The following FOCAD variants were observed in gnomAD, a reference collection of about 807,000 sequenced individuals.
FOCAD encodes focadhesin, also known as KIAA1797.
Under a neutral mutation model 225.6 loss-of-function variants are expected in FOCAD, and 198 were observed. That is an observed-to-expected ratio of 0.88 (90% CI 0.78 to 0.99). The LOEUF (loss-of-function observed/expected upper bound fraction) is 0.99, where lower values mean the gene tolerates loss of function less well. Ranked by LOEUF, FOCAD falls within the 50% of genes least tolerant of loss-of-function variation. The pLI, the probability that FOCAD is intolerant of heterozygous loss-of-function variation, is 0.00. For missense variants in FOCAD, 2,713 were observed against 2,123.6 expected (o/e 1.28, Z -5.46); for synonymous variants, 897 against 755.0 (o/e 1.19, Z -3.08).
intron 15 of FOCAD, among the ~76,000 whole-genome samples, chr9:20,850,379 G>A (rs1827530783): frequency 6.6e-6 from 1 of 151,690 alleles, no homozygotes; most frequent in African/African-American, 2.4e-5. Context: ...ACACTGTCGA[G>A]GAAGAAAATC....
At chr9:20,708,431 A>T (rs986256412) in intron 1 of FOCAD, among the ~76,000 whole-genome samples, 5 of 152,136 alleles carry the variant, frequency 3.3e-5, no homozygotes, top group Non-Finnish European at 7.4e-5. Context: ...CAGCCATTTT[A>T]TCAGTGTGCT....
At chr9:20,847,609 A>T (rs1377339988) in intron 15 of FOCAD, among the ~76,000 whole-genome samples, 1 of 151,868 alleles carries the variant, frequency 6.6e-6, no homozygotes, top group Admixed American at 6.6e-5. Context: ...TTGGGGAAGG[A>T]GGGGCGATAA....
chr9:20,702,656 T>C (rs1277642405), intron 1 of FOCAD, among the ~76,000 whole-genome samples: 1 of 152,190 alleles, frequency 6.6e-6, no homozygotes, highest in Non-Finnish European at 1.5e-5. Flanking sequence ...TGACAGTACC[T>C]GCCTGGCACA....
chr9:20,856,802 T>G lies in FOCAD; in HGVS notation c.1921-5776T>G, dbSNP rs569591431. On this transcript the variant is annotated intron_variant, in intron 15 of 43. Coordinates refer to ENST00000338382, the MANE Select transcript of FOCAD (RefSeq NM_001375567.1). ...AGATAGGGGTCAAGTTTCATTCTTC[T>G]GCATATGGTTATCCAGTTTTCCCAG... Among the ~76,000 whole-genome samples, 3 of 152,246 alleles carry G rather than the reference T, an allele frequency of 2.0e-5. No individual in the cohort carries two copies. In the East Asian group the frequency reaches 5.8e-4, roughly 29 times the overall value.
chr9:20,824,109 C>A (rs1824627695), intron 15 of FOCAD, among the ~76,000 whole-genome samples: 1 of 151,996 alleles, frequency 6.6e-6, no homozygotes, highest in South Asian at 2.1e-4. Flanking sequence ...CATCCTGTGC[C>A]CAATATTTGG....
chr9:20,926,639 C>A (rs555335929), intron 26 of FOCAD, among the ~76,000 whole-genome samples: 1 of 151,904 alleles, frequency 6.6e-6, no homozygotes, highest in South Asian at 2.1e-4. Flanking sequence ...CAAAATTAGC[C>A]GGGCGTGGTG....
At position 20,926,436 on chromosome 9, in the gene FOCAD, A is replaced by G. The variant is rs1262146073; in HGVS notation, c.3078+19A>G. ...TTATTATGTAAGTGCAAAAAATAAA[A>G]AATGATCAGAAAACTCAAGAATTGA... On this transcript the variant is annotated intron_variant, in intron 26 of 43. Coordinates refer to ENST00000338382, the MANE Select transcript of FOCAD (RefSeq NM_001375567.1). The G allele has an allele frequency of 3.5e-6, 5 of 1,435,492 alleles. No homozygotes were observed. Among genetic ancestry groups the G allele is most frequent in the Admixed American group, 1.7e-5 (1 of 59,216 alleles). The allele number at this position is 1,435,492 out of a possible 1,614,324, so 88.9% of individuals were successfully genotyped here.
chr9:20,944,136 C>G (rs1168344240), intron 28 of FOCAD, among the ~76,000 whole-genome samples: 2 of 152,166 alleles, frequency 1.3e-5, no homozygotes, highest in Admixed American at 1.3e-4. Context: ...ACATGAAACA[C>G]TTAGTAGTAC....
chr9:20,746,180 C>T lies in FOCAD; in HGVS notation c.392+5840C>T, dbSNP rs543539972. Among the ~76,000 whole-genome samples, 5 of 152,302 alleles carry T rather than the reference C, an allele frequency of 3.3e-5. No homozygotes were observed. In the South Asian group the frequency reaches 1.0e-3, roughly 32 times the overall value. ...GTAGCCCCATTTTTAATTTCAATAACTAGCTTTTTAAGCATTGTTTTTGCA... is the reference window on the plus strand; with the variant it reads ...GTAGCCCCATTTTTAATTTCAATAATTAGCTTTTTAAGCATTGTTTTTGCA... On this transcript the variant is annotated intron_variant, in intron 5 of 43. Coordinates refer to ENST00000338382, the MANE Select transcript of FOCAD (RefSeq NM_001375567.1).
chr9:20,858,585 C>G (rs1381253034), intron 15 of FOCAD, among the ~76,000 whole-genome samples: 1 of 151,880 alleles, frequency 6.6e-6, no homozygotes, highest in African/African-American at 2.4e-5. Context: ...TGTTGCTTTT[C>G]AGTGTTCGTT....
At chr9:20,933,152 T>G (rs779951547) in intron 28 of FOCAD, 49 bp downstream of exon 28, 2 of 1,259,338 alleles carry the variant, frequency 1.6e-6, no homozygotes, top group African/African-American at 2.9e-5. Context: ...CATTGCTCCC[T>G]ACACTGCCAT....
chr9:20,798,468 A>G (rs1410809370), intron 11 of FOCAD, among the ~76,000 whole-genome samples: 2 of 152,096 alleles, frequency 1.3e-5, no homozygotes, highest in African/African-American at 2.4e-5. Context: ...CTGTGAATGC[A>G]TCTGGTCCTG....
chr9:20,902,541 AC>A (rs2131988132), intron 21 of FOCAD, among the ~76,000 whole-genome samples: 1 of 152,044 alleles, frequency 6.6e-6, no homozygotes, highest in South Asian at 2.1e-4. Flanking sequence ...TCTTTAATGA[AC>A]CATCAAAGGT....
rs557870923 is a variant in FOCAD at position 20,933,247 on chromosome 9, A to C, written c.3407+144A>C. On this transcript the variant is annotated intron_variant, in intron 28 of 43. Transcript: ENST00000338382. ...TGGGGAACAGGTGGTGTTTGGTTAC[A>C]TGAGTAAGTTCTTTAGTGGTGATTT... is the stretch of plus-strand genomic sequence containing the variant. The C allele has an allele frequency of 1.3e-5, 8 of 600,744 alleles. No individual in the cohort carries two copies. The African/African-American group carries it at 1.5e-4, about 11-fold the overall frequency. The allele number at this position is 600,744 out of a possible 1,614,324, so 37.2% of individuals were successfully genotyped here.
Position 20,867,749 on chromosome 9 carries a change from A to G in FOCAD, c.2190+737A>G, listed in dbSNP as rs569806044. On this transcript the variant is annotated intron_variant, in intron 18 of 43. Coordinates refer to ENST00000338382, the MANE Select transcript of FOCAD (RefSeq NM_001375567.1). ...AGTGCCTCTGAAGTGTCAAGCAGACATTGTGTTAGATGAAGTTACGTGTAA... is the reference window on the plus strand; with the variant it reads ...AGTGCCTCTGAAGTGTCAAGCAGACGTTGTGTTAGATGAAGTTACGTGTAA... Among the ~76,000 whole-genome samples, 578 of 152,176 alleles carry G rather than the reference A, an allele frequency of 3.8e-3. 4 individuals are homozygous for G. Among genetic ancestry groups the G allele is most frequent in the African/African-American group, 0.013 (552 of 41,546 alleles).
intron 4 of FOCAD, among the ~76,000 whole-genome samples, chr9:20,731,865 C>T (rs1270296965): frequency 6.6e-6 from 1 of 152,172 alleles, no homozygotes; most frequent in East Asian, 1.9e-4. Flanking sequence ...GATCTTCCCG[C>T]CTCAGCCTCC....
At position 20,995,918 on chromosome 9, in the gene FOCAD, C is replaced by G. The variant is rs755424465; in HGVS notation, c.*289C>G. 3 of 206,278 alleles carry G rather than the reference C, an allele frequency of 1.5e-5. No individual in the cohort carries two copies. Among genetic ancestry groups the G allele is most frequent in the South Asian group, 1.3e-4 (1 of 7,688 alleles). 12.8% of individuals were successfully genotyped at this position (206,278 alleles called of 1,614,324 possible). ...TGAAAGCTTGAAGATATTATCTTCT[C>G]CCTGCTAAATTCCAGTAAAATAATG... On this transcript the variant is annotated 3_prime_UTR_variant, in exon 44 of 44. Transcript: ENST00000338382.
At chr9:20,919,564 C>A (rs1434738556) in intron 24 of FOCAD, among the ~76,000 whole-genome samples, 2 of 152,156 alleles carry the variant, frequency 1.3e-5, no homozygotes, top group Non-Finnish European at 2.9e-5. Flanking sequence ...TCAAACTATA[C>A]TACAAGGCTA....
intron 6 of FOCAD, among the ~76,000 whole-genome samples, chr9:20,761,422 T>TA (rs1587060024): frequency 6.6e-6 from 1 of 151,990 alleles, no homozygotes; most frequent in African/African-American, 2.4e-5. Context: ...CCGTTATTTT[T>TA]ATTTTTATTT....
Sources: allele counts gnomAD v4.1 joint callset (sites outside exome capture counted in the v4.1 genomes callset), GRCh38; gene constraint gnomAD v4.1.1; transcripts MANE v1.5; gene names NCBI Gene and HGNC (gene_info 2026-07-23, HGNC 2026-07-21).